The following URB1 variants were observed in gnomAD, a reference collection of about 807,000 sequenced individuals.
The protein encoded by URB1 is URB1 ribosome biogenesis factor, also known as nucleolar pre-ribosomal-associated protein 1.
A neutral mutation model predicts 242.3 loss-of-function variants in URB1; 197 were observed. The observed-to-expected ratio is 0.81, with a 90% CI of 0.72 to 0.91. The LOEUF (loss-of-function observed/expected upper bound fraction) is 0.91. Ranked by LOEUF, URB1 falls within the 40% of genes least tolerant of loss-of-function variation. URB1 has a pLI of 0.00. For synonymous variants in URB1, 1,153 were observed against 1,201.8 expected (o/e 0.96, Z 0.84); for missense variants, 2,721 against 2,860.5 (o/e 0.95, Z 1.11).
intron 5 of URB1, among the ~76,000 whole-genome samples, chr21:32,377,600 C>A (rs1438611235): frequency 6.6e-6 from 1 of 152,172 alleles, no homozygotes; most frequent in Admixed American, 6.5e-5. Flanking sequence ...TGCTCCACCA[C>A]AGCAGCAATA....
At chr21:32,337,607 C>A in intron 26 of URB1, 93 bp from the exon 27 acceptor site, 1 of 995,924 alleles carries the variant, frequency 1.0e-6, no homozygotes. Flanking sequence ...CATTGAAATG[C>A]TGGAAATCTC....
chr21:32,335,977 G>C (rs1193783610), intron 28 of URB1, among the ~76,000 whole-genome samples: 1 of 152,134 alleles, frequency 6.6e-6, no homozygotes, highest in Non-Finnish European at 1.5e-5. Context: ...CTGTGTTAGA[G>C]GTCGTTCTGC....
At chr21:32,345,041 TGG>T (rs2033070269) in intron 23 of URB1, among the ~76,000 whole-genome samples, 2 of 152,210 alleles carry the variant, frequency 1.3e-5, no homozygotes, top group East Asian at 1.9e-4. Flanking sequence ...ACTGACATTA[TGG>T]GACAGATAAT....
At chr21:32,354,203 A>G in intron 17 of URB1, 100 bp from the exon 18 acceptor site, 1 of 1,379,092 alleles carries the variant, frequency 7.3e-7, no homozygotes, top group Non-Finnish European at 9.8e-7. Context: ...TGCAAAAAGA[A>G]AAAAGCCAAA....
intron 35 of URB1, 136 bp downstream of exon 35, chr21:32,320,395 T>C (rs985070069): frequency 2.7e-5 from 18 of 675,070 alleles, no homozygotes; most frequent in Non-Finnish European, 3.7e-5. Flanking sequence ...TATGGTAGCA[T>C]TGGAGGACAC....
rs1481014228 is a variant in URB1 at position 32,345,407 on chromosome 21, G to A, written c.4037C>T (p.Pro1346Leu). 1 of 1,551,320 alleles carries A rather than the reference G, an allele frequency of 6.4e-7. No individual in the cohort carries two copies. Among genetic ancestry groups the A allele is most frequent in the South Asian group, 1.2e-5 (1 of 84,042 alleles). The part of the protein sequence containing the change: ...KDLSVLMDRL[P>L]SLLHTPSSHK... ...ACTGCTTGGGGTGTGAAGCAAGCTG[G>A]GCAGGCGGTCCATGAGTACACTGAG... is the stretch of plus-strand genomic sequence containing the variant. The change falls in exon 23 of 39, where the codon CCC becomes CTC. Residue 1346 changes from proline to leucine, a missense_variant. Coordinates refer to ENST00000382751, the MANE Select transcript of URB1 (RefSeq NM_014825.3).
intron 24 of URB1, 100 bp from the exon 25 acceptor site, chr21:32,341,624 T>G (rs576649510): frequency 9.6e-7 from 1 of 1,043,394 alleles, no homozygotes; most frequent in African/African-American, 1.6e-5. Context: ...TCTGCCTCCA[T>G]GGCCTGACTA....
intron 28 of URB1, chr21:32,335,160 GT>G: frequency 6.5e-6 from 1 of 152,826 alleles, no homozygotes. Flanking sequence ...CCCATTGCCT[GT>G]TTCCCTGCAC....
intron 15 of URB1, among the ~76,000 whole-genome samples, chr21:32,356,044 A>G (rs907521065): frequency 6.6e-6 from 1 of 152,150 alleles, no homozygotes; most frequent in Non-Finnish European, 1.5e-5. Context: ...AACATCCCCA[A>G]TTGTTGAGGG....
chr21:32,347,348 T>G lies in URB1; in HGVS notation c.3476A>C (p.Gln1159Pro), dbSNP rs201236345. Reference sequence around the variant, plus strand: ...ATCCTGGGGGCTGCAGGTCAGCAGCTGCACCAGGGTCTTTCCAAGAGCATT... The same window carrying G: ...ATCCTGGGGGCTGCAGGTCAGCAGCGGCACCAGGGTCTTTCCAAGAGCATT... ...HLNALGKTLV[Q>P]LLTCSPQDQL... The change falls in exon 22 of 39, where the codon CAG becomes CCG. Residue 1159 changes from glutamine to proline, a missense_variant. By Grantham distance (76) the Gln-to-Pro change is moderately conservative. Coordinates refer to ENST00000382751, the MANE Select transcript of URB1 (RefSeq NM_014825.3). The G allele has an allele frequency of 6.4e-7, 1 of 1,551,406 alleles. No homozygotes were observed. The highest frequency in any genetic ancestry group is 8.7e-7 in the Non-Finnish European group (1 of 1,146,984).
At chr21:32,320,742 G>A in intron 34 of URB1, 102 bp from the exon 35 acceptor site, 1 of 860,298 alleles carries the variant, frequency 1.2e-6, no homozygotes, top group Non-Finnish European at 1.8e-6. Context: ...ATTACAGGTG[G>A]TGGCTGCAAA....
chr21:32,312,054 C>T lies in URB1; in HGVS notation c.*2864G>A. On this transcript the variant is annotated 3_prime_UTR_variant, in exon 39 of 39. Coordinates refer to ENST00000382751, the MANE Select transcript of URB1 (RefSeq NM_014825.3). ...TGGTGAAATCAAGCCAACCTGGACA[C>T]ATACGTTCCTCGTTCTTCTTAGAGG... is the stretch of plus-strand genomic sequence containing the variant. 6 of 1,609,760 alleles carry T rather than the reference C, an allele frequency of 3.7e-6. No individual in the cohort carries two copies. The highest frequency in any genetic ancestry group is 5.1e-6 in the Non-Finnish European group (6 of 1,179,978).
intron 34 of URB1, among the ~76,000 whole-genome samples, chr21:32,320,991 G>T (rs114211040): frequency 0.011 from 1,707 of 152,358 alleles, 25 homozygotes; most frequent in African/African-American, 0.039. Flanking sequence ...CAGGCCAGCT[G>T]CTGGCCGCCA....
In URB1 at chr21:32,311,270, T is replaced by G; in HGVS notation, c.*3648A>C. The G allele has an allele frequency of 2.2e-5, 4 of 184,656 alleles. No homozygotes were observed. Among genetic ancestry groups the G allele is most frequent in the East Asian group, 1.4e-4 (1 of 6,962 alleles). 11.4% of individuals were successfully genotyped at this position (184,656 alleles called of 1,614,324 possible). ...GGGTCCTTCCCACGACACGTGGGGA[T>G]TATTACAATTCAAGGTGAGATTTGT... is the stretch of plus-strand genomic sequence containing the variant. On this transcript the variant is annotated 3_prime_UTR_variant, in exon 39 of 39. Coordinates refer to ENST00000382751, the MANE Select transcript of URB1 (RefSeq NM_014825.3).
chr21:32,322,956 T>C (rs1601121238), intron 32 of URB1, among the ~76,000 whole-genome samples: 1 of 152,170 alleles, frequency 6.6e-6, no homozygotes, highest in Admixed American at 6.5e-5. Flanking sequence ...TGCACCTGCC[T>C]CTAGCTTCTA....
rs1568813050 is a variant in URB1, at chr21:32,333,403, A to G, written c.4874T>C (p.Ile1625Thr). ...ATCCACCCTGCTTTTGTCTTTGAAT[A>G]TCAGCTCCTGTGTGTCCTGAAAGAG... The part of the protein sequence containing the change: ...LLPPEDTQEL[I>T]FKDKSRVDLD... Residue 1625 changes from isoleucine (I) to threonine (T), a missense_variant, in exon 30 of 39, where the codon ATA becomes ACA. Coordinates refer to ENST00000382751, the MANE Select transcript of URB1 (RefSeq NM_014825.3). The G allele has an allele frequency of 1.3e-6, 2 of 1,551,686 alleles. No homozygotes were observed. The highest frequency in any genetic ancestry group is 1.7e-6 in the Non-Finnish European group (2 of 1,146,962).
Position 32,347,719 on chromosome 21 carries a change from C to A in URB1, c.3105G>T (p.Thr1035=). 6.4e-7 allele frequency: 1 copy of A among 1,550,712 alleles called. No homozygotes were observed. Among genetic ancestry groups the A allele is most frequent in the Non-Finnish European group, 8.7e-7 (1 of 1,146,990 alleles). ...GGAGCTTCACGAGGACAGGGCTGAGCGTGTGCGGCGGGAGGGCCTGCTGCT... is the reference window on the plus strand; with the variant it reads ...GGAGCTTCACGAGGACAGGGCTGAGAGTGTGCGGCGGGAGGGCCTGCTGCT... The part of the protein sequence containing the change: ...ALEQQALPPH[T]LSPVLVKLLA... Residue 1035 remains threonine, a synonymous_variant, in exon 22 of 39, where the codon ACG becomes ACT. Transcript: ENST00000382751.
intron 25 of URB1, among the ~76,000 whole-genome samples, chr21:32,339,384 C>A (rs1293822941): frequency 6.6e-6 from 1 of 152,182 alleles, no homozygotes; most frequent in Non-Finnish European, 1.5e-5. Context: ...CCAGGCTCTA[C>A]CACTGACACG....
chr21:32,345,217 C>T (rs1036046062), intron 23 of URB1, among the ~76,000 whole-genome samples, 157 bp downstream of exon 23: 1 of 152,082 alleles, frequency 6.6e-6, no homozygotes, highest in African/African-American at 2.4e-5. Flanking sequence ...GTACAAGCTC[C>T]AGGCAGGATG....
Sources: allele counts gnomAD v4.1 joint callset (sites outside exome capture counted in the v4.1 genomes callset), GRCh38; gene constraint gnomAD v4.1.1; transcripts MANE v1.5; gene names NCBI Gene and HGNC (gene_info 2026-07-23, HGNC 2026-07-21).